ISOC1: variants seen among roughly 807,000 people sequenced by gnomAD.
ISOC1 encodes isochorismatase domain containing 1.
Under a neutral mutation model 30.0 loss-of-function variants are expected in ISOC1, and 33 were observed. The observed-to-expected ratio is 1.10, with a 90% CI of 0.83 to 1.47. The LOEUF (loss-of-function observed/expected upper bound fraction) is 1.47. ISOC1 is among the 40% of genes most tolerant of loss of function. The probability of loss-of-function intolerance (pLI) is 0.00; values close to 1 mark genes in which losing one functional copy is unlikely to be tolerated. For synonymous variants in ISOC1, 178 were observed against 159.8 expected (o/e 1.11, Z -0.86); for missense variants, 372 against 388.0 (o/e 0.96, Z 0.35).
chr5:129,109,394 G>A (rs1171860827), intron 4 of ISOC1, among the ~76,000 whole-genome samples: 2 of 152,208 alleles, frequency 1.3e-5, no homozygotes, highest in Non-Finnish European at 2.9e-5. Context: ...TAGCAGTTAG[G>A]ACAGTGCATG....
At chr5:129,108,735 C>G (rs1428909115) in intron 4 of ISOC1, among the ~76,000 whole-genome samples, 1 of 152,178 alleles carries the variant, frequency 6.6e-6, no homozygotes. Flanking sequence ...TGGTCTCGAA[C>G]TCCTGACCTC....
chr5:129,101,735 C>G (rs968277970), intron 1 of ISOC1, among the ~76,000 whole-genome samples: 16 of 152,222 alleles, frequency 1.1e-4, no homozygotes, highest in Non-Finnish European at 2.9e-5. Flanking sequence ...TCATATTTCA[C>G]TAGCTTTTCC....
chr5:129,107,839 T>C (rs1490382883), intron 4 of ISOC1, among the ~76,000 whole-genome samples: 1 of 152,118 alleles, frequency 6.6e-6, no homozygotes, highest in Non-Finnish European at 1.5e-5. Flanking sequence ...GTCTTGGCAT[T>C]AGAATGTCAC....
chr5:129,110,110 A>T (rs1376058533), intron 4 of ISOC1, among the ~76,000 whole-genome samples: 1 of 152,110 alleles, frequency 6.6e-6, no homozygotes, highest in African/African-American at 2.4e-5. Context: ...GTTGCTTGGA[A>T]ATCTAATGGG....
chr5:129,104,584 T>G lies in ISOC1; in HGVS notation c.310-372T>G, dbSNP rs192802676. 2.6e-5 allele frequency among the ~76,000 whole-genome samples: 4 copies of G among 152,276 alleles called. No homozygotes were observed. The East Asian group carries it at 7.7e-4, about 29-fold the overall frequency. ...ATATTTTTACATTATTGAAATACTA[T>G]TGAACTGCACTTTTTAAAAATTAAC... On this transcript the variant is annotated intron_variant, in intron 1 of 4. Transcript: ENST00000173527.
At chr5:129,109,944 G>C (rs554027322) in intron 4 of ISOC1, among the ~76,000 whole-genome samples, 13 of 152,118 alleles carry the variant, frequency 8.5e-5, no homozygotes, top group Non-Finnish European at 1.9e-4. Flanking sequence ...CTGTACCAGG[G>C]TCTGTGGCAT....
intron 4 of ISOC1, among the ~76,000 whole-genome samples, chr5:129,110,614 A>G (rs17163700): frequency 0.1 from 15,363 of 152,090 alleles, 1,036 homozygotes; most frequent in African/African-American, 0.19. Flanking sequence ...CCTAAAATGT[A>G]TTTCTGTGAT....
At chr5:129,102,172 A>G (rs1270397419) in intron 1 of ISOC1, among the ~76,000 whole-genome samples, 2 of 152,182 alleles carry the variant, frequency 1.3e-5, no homozygotes, top group Non-Finnish European at 2.9e-5. Context: ...GTTGGGAGTT[A>G]AACACCTTAC....
chr5:129,098,308 A>G (rs1033562896), intron 1 of ISOC1, among the ~76,000 whole-genome samples: 4 of 152,280 alleles, frequency 2.6e-5, no homozygotes, highest in African/African-American at 9.6e-5. Flanking sequence ...TGTCAAAGTA[A>G]CAATGTCTGC....
Position 129,105,876 on chromosome 5 carries a change from G to A in ISOC1, c.633+488G>A, listed in dbSNP as rs150239841. Among the ~76,000 whole-genome samples the A allele has an allele frequency of 6.4e-4, 98 of 152,160 alleles. 1 individual carries two copies. Among genetic ancestry groups the A allele is most frequent in the African/African-American group, 2.2e-3 (93 of 41,502 alleles). On this transcript the variant is annotated intron_variant, in intron 3 of 4. Transcript: ENST00000173527. ...GGAAAAATACTAATGGATTCCTATT[G>A]CTGATTTCAATTGATTTATTCCTAG... is the stretch of plus-strand genomic sequence containing the variant.
At chr5:129,109,377 A>G (rs754621987) in intron 4 of ISOC1, among the ~76,000 whole-genome samples, 11 of 152,238 alleles carry the variant, frequency 7.2e-5, no homozygotes, top group Non-Finnish European at 1.3e-4. Flanking sequence ...ATGAGATAAT[A>G]TATTGATAGC....
intron 3 of ISOC1, among the ~76,000 whole-genome samples, chr5:129,106,061 T>C (rs571443341): frequency 6.6e-6 from 1 of 152,334 alleles, no homozygotes; most frequent in South Asian, 2.1e-4. Context: ...CTTAGATGTA[T>C]ATTCAATATT....
intron 4 of ISOC1, among the ~76,000 whole-genome samples, chr5:129,111,580 A>G (rs1017375606): frequency 2.0e-5 from 3 of 151,930 alleles, no homozygotes; most frequent in African/African-American, 7.3e-5. Context: ...TTCCTCTTTC[A>G]TGCTTTTTAC....
rs1483753264 is a variant in ISOC1 at position 129,113,753 on chromosome 5, A to G, written c.*752A>G. ...GAATATCTTTACCAACATCTTGAAT[A>G]TATATTCTAGTGTCCACAAGATTTA... On this transcript the variant is annotated 3_prime_UTR_variant, in exon 5 of 5. Coordinates refer to ENST00000173527, the MANE Select transcript of ISOC1 (RefSeq NM_016048.2). The G allele has an allele frequency of 6.6e-6, 1 of 152,174 alleles. No individual in the cohort carries two copies. The highest frequency in any genetic ancestry group is 1.5e-5 in the Non-Finnish European group (1 of 68,020). The allele number at this position is 152,174 out of a possible 1,614,324, so 9.4% of individuals were successfully genotyped here. A position where few individuals can be genotyped will look rare whatever the true frequency, so the allele number is the denominator to read the frequency against.
At chr5:129,112,674 A>G (rs1753723788) in intron 4 of ISOC1, among the ~76,000 whole-genome samples, 181 bp from the exon 5 acceptor site, 1 of 152,076 alleles carries the variant, frequency 6.6e-6, no homozygotes, top group Non-Finnish European at 1.5e-5. Flanking sequence ...GAATAATCAT[A>G]TTGACTTTGT....
rs1016721879 is a variant in ISOC1, at chr5:129,094,762, G to C, written c.-5G>C. 2 of 1,478,700 alleles carry C rather than the reference G, an allele frequency of 1.4e-6. No individual in the cohort carries two copies. The highest frequency in any genetic ancestry group is 2.9e-5 in the African/African-American group (2 of 68,614). The allele number at this position is 1,478,700 out of a possible 1,614,324, so 91.6% of individuals were successfully genotyped here. A position where few individuals can be genotyped will look rare whatever the true frequency, so the allele number is the denominator to read the frequency against. On this transcript the variant is annotated 5_prime_UTR_variant, in exon 1 of 5. Transcript: ENST00000173527. ...GCCTCGGAGCTCGCAGACGCTCGGG[G>C]GAACATGGCGGCTGCGGAGCCGGCG...
chr5:129,106,860 T>C lies in ISOC1; in HGVS notation c.634-86T>C, dbSNP rs1338087580. 4 of 902,206 alleles carry C rather than the reference T, an allele frequency of 4.4e-6. No homozygotes were observed. In the East Asian group the frequency reaches 1.1e-4, roughly 24 times the overall value. 55.9% of individuals were successfully genotyped at this position (902,206 alleles called of 1,614,324 possible). The stretch of plus-strand genomic sequence containing the variant: ...GGTCCTTAGATGATCTGTAGTGCTC[T>C]GTCTGCTTTATCATGTTGTTGTACA... On this transcript the variant is annotated intron_variant, in intron 3 of 4. Transcript: ENST00000173527.
At chr5:129,096,328 G>C (rs982456113) in intron 1 of ISOC1, among the ~76,000 whole-genome samples, 6 of 152,158 alleles carry the variant, frequency 3.9e-5, no homozygotes, top group African/African-American at 1.4e-4. Flanking sequence ...CCCATTAACA[G>C]TGCCATTTTC....
chr5:129,101,192 A>AAATATATATATAT (rs1554064627), intron 1 of ISOC1, among the ~76,000 whole-genome samples: 4 of 42,236 alleles, frequency 9.5e-5, no homozygotes, highest in East Asian at 8.4e-4. Context: ...AAAAAAAAAA[A>AAATATATATATAT]ATATATATAT....
Sources: gnomAD v4.1 joint callset for allele counts (sites outside exome capture counted in the v4.1 genomes callset) on GRCh38, gnomAD v4.1.1 for gene constraint, MANE v1.5 for transcripts, NCBI Gene and HGNC (gene_info 2026-07-23, HGNC 2026-07-21) for gene names.